Variants in RABGAP1L observed in about 807,000 individuals in gnomAD.
The protein encoded by RABGAP1L is RAB GTPase activating protein 1 like.
RABGAP1L carries 63 observed loss-of-function variants against 137.7 expected under a neutral mutation model. The ratio of observed to expected loss-of-function variants is 0.46; its 90% CI spans 0.37 to 0.56. RABGAP1L has a LOEUF of 0.56. Among genes scored for constraint, RABGAP1L ranks in the 20% least tolerant of loss-of-function variants. The probability of loss-of-function intolerance (pLI) is 0.00; values close to 1 mark genes in which losing one functional copy is unlikely to be tolerated. For missense variants in RABGAP1L, 1,095 were observed against 1,244.0 expected (o/e 0.88, Z 1.80); for synonymous variants, 431 against 433.7 (o/e 0.99, Z 0.08).
chr1:174,780,149 G>T (rs1686862748), intron 18 of RABGAP1L, among the ~76,000 whole-genome samples: 1 of 151,936 alleles, frequency 6.6e-6, no homozygotes, highest in Admixed American at 6.6e-5. Context: ...ATTTCCCTCA[G>T]TATTACCAGT....
chr1:174,819,124 A>C (rs1383464024), intron 19 of RABGAP1L, among the ~76,000 whole-genome samples: 1 of 144,868 alleles, frequency 6.9e-6, no homozygotes, highest in East Asian at 2.2e-4. Flanking sequence ...TGGAGGCTGC[A>C]GTGAGCTATG....
intron 19 of RABGAP1L, among the ~76,000 whole-genome samples, chr1:174,819,686 T>G (rs1690820794): frequency 6.6e-6 from 1 of 152,140 alleles, no homozygotes; most frequent in Non-Finnish European, 1.5e-5. Flanking sequence ...TAGTAAGTTG[T>G]AGAAACTAGG....
At chr1:174,518,539 T>A (rs1663070885) in intron 13 of RABGAP1L, among the ~76,000 whole-genome samples, 1 of 152,234 alleles carries the variant, frequency 6.6e-6, no homozygotes, top group African/African-American at 2.4e-5. Flanking sequence ...ACTGGTTGAT[T>A]GAATTTGCAG....
intron 11 of RABGAP1L, among the ~76,000 whole-genome samples, chr1:174,361,371 G>A (rs531930783): frequency 1.3e-5 from 2 of 152,118 alleles, no homozygotes; most frequent in South Asian, 2.1e-4. Flanking sequence ...ATTGCTTTGG[G>A]TAGTCTGGAC....
intron 13 of RABGAP1L, among the ~76,000 whole-genome samples, chr1:174,581,482 G>A (rs1286279933): frequency 6.6e-6 from 1 of 152,116 alleles, no homozygotes; most frequent in Admixed American, 6.6e-5. Context: ...GTTGAGAATA[G>A]GCAAATTTAT....
intron 19 of RABGAP1L, chr1:174,877,660 A>G: frequency 3.9e-6 from 6 of 1,547,276 alleles, no homozygotes; most frequent in Non-Finnish European, 4.5e-6. Context: ...CTAACATGAT[A>G]TCTATACTCC....
At chr1:174,483,739 A>G (rs1264225157) in intron 13 of RABGAP1L, among the ~76,000 whole-genome samples, 1 of 152,052 alleles carries the variant, frequency 6.6e-6, no homozygotes, top group South Asian at 2.1e-4. Context: ...AGGCAGGAGA[A>G]TCACTGGAAT....
At chr1:174,620,462 A>T (rs933536015) in intron 13 of RABGAP1L, among the ~76,000 whole-genome samples, 1 of 152,226 alleles carries the variant, frequency 6.6e-6, no homozygotes, top group African/African-American at 2.4e-5. Flanking sequence ...ATCAAACTAG[A>T]ACTCAGGATT....
At chr1:174,501,696 T>C (rs1661291751) in intron 13 of RABGAP1L, among the ~76,000 whole-genome samples, 1 of 152,230 alleles carries the variant, frequency 6.6e-6, no homozygotes, top group African/African-American at 2.4e-5. Flanking sequence ...ACTTTACTTT[T>C]TGTTTTTTTA....
At chr1:174,482,240 G>C (rs1020652101) in intron 13 of RABGAP1L, among the ~76,000 whole-genome samples, 2 of 152,320 alleles carry the variant, frequency 1.3e-5, no homozygotes, top group Middle Eastern at 3.4e-3. Context: ...CTGATGTGTT[G>C]ATTTTAGTCT....
intron 3 of RABGAP1L, among the ~76,000 whole-genome samples, chr1:174,223,442 CAAAAA>C: frequency 1.9e-5 from 1 of 53,332 alleles, no homozygotes; most frequent in Non-Finnish European, 3.7e-5. Flanking sequence ...GACTCCATCT[CAAAAA>C]AAAAAAAAAA....
In RABGAP1L at chr1:174,910,523, C is replaced by G. The variant is rs536385080; in HGVS notation, c.2341-46934C>G. Among the ~76,000 whole-genome samples, 112 of 152,188 alleles carry G rather than the reference C, an allele frequency of 7.4e-4. 2 individuals carry two copies. The South Asian group carries it at 0.022, about 31-fold the overall frequency. ...ACAAGACAAGGATGCCCACTTATAC[C>G]ACTTTTTTTCAACGTAACAGTGGAA... On this transcript the variant is annotated intron_variant, in intron 19 of 25. Coordinates refer to ENST00000681986, the MANE Select transcript of RABGAP1L (RefSeq NM_001366446.1).
intron 13 of RABGAP1L, among the ~76,000 whole-genome samples, chr1:174,551,831 A>G (rs1366802346): frequency 2.0e-5 from 3 of 152,296 alleles, no homozygotes; most frequent in South Asian, 2.1e-4. Flanking sequence ...TGAATCACCA[A>G]TATCAGAAAT....
At chr1:174,669,954 C>A (rs1677056847) in intron 14 of RABGAP1L, among the ~76,000 whole-genome samples, 1 of 152,000 alleles carries the variant, frequency 6.6e-6, no homozygotes, top group Non-Finnish European at 1.5e-5. Context: ...ATTGTTTTGG[C>A]TATTCAAGGT....
chr1:174,963,129 G>A (rs1669315973), intron 20 of RABGAP1L, among the ~76,000 whole-genome samples: 1 of 151,922 alleles, frequency 6.6e-6, no homozygotes. Context: ...TTCTGCCATA[G>A]CAAATAAACT....
intron 15 of RABGAP1L, among the ~76,000 whole-genome samples, chr1:174,693,432 GTAA>G (rs1679017456): frequency 6.6e-6 from 1 of 152,154 alleles, no homozygotes; most frequent in Non-Finnish European, 1.5e-5. Context: ...AAAAACAAAA[GTAA>G]TAAGTACTCA....
chr1:174,726,309 A>T (rs1485383231), intron 17 of RABGAP1L, among the ~76,000 whole-genome samples: 3 of 151,052 alleles, frequency 2.0e-5, no homozygotes, highest in Non-Finnish European at 4.4e-5. Flanking sequence ...TTTTTTCTAT[A>T]TTGCCCAGTC....
chr1:174,878,186 T>C (rs1653465542), intron 19 of RABGAP1L, among the ~76,000 whole-genome samples: 1 of 152,218 alleles, frequency 6.6e-6, no homozygotes, highest in Non-Finnish European at 1.5e-5. Context: ...GTCATCATTA[T>C]AATGGCTATT....
At chr1:174,348,935 G>A (rs1346668975) in intron 11 of RABGAP1L, among the ~76,000 whole-genome samples, 7 of 152,086 alleles carry the variant, frequency 4.6e-5, no homozygotes, top group African/African-American at 1.2e-4. Flanking sequence ...CCACAAAGCC[G>A]CCATTGTCAT....
Sources: allele counts gnomAD v4.1 joint callset (sites outside exome capture counted in the v4.1 genomes callset), GRCh38; gene constraint gnomAD v4.1.1; transcripts MANE v1.5; gene names NCBI Gene and HGNC (gene_info 2026-07-23, HGNC 2026-07-21).